The following AKAP19 variants were observed in gnomAD, a reference collection of about 807,000 sequenced individuals.
The protein encoded by AKAP19 is A-kinase anchoring protein 19.
the AKAP19 span, among the ~76,000 whole-genome samples, chr2:190,058,862 C>G: frequency 6.6e-6 from 1 of 151,904 alleles, no homozygotes; most frequent in Non-Finnish European, 1.5e-5. Flanking sequence ...GGATTAAAAA[C>G]TACATATTTG....
the AKAP19 span, among the ~76,000 whole-genome samples, chr2:190,081,571 C>A: frequency 6.6e-6 from 1 of 152,178 alleles, no homozygotes; most frequent in Non-Finnish European, 1.5e-5. Context: ...GACTCCTGTG[C>A]ATACATGAGC....
the AKAP19 span, among the ~76,000 whole-genome samples, chr2:189,915,750 T>A: frequency 2.0e-5 from 3 of 152,052 alleles, no homozygotes; most frequent in Non-Finnish European, 2.9e-5. Flanking sequence ...ATATTAGAAA[T>A]CCATTATAAG....
the AKAP19 span, among the ~76,000 whole-genome samples, chr2:189,981,273 C>CTTTTTTTTTT: frequency 3.1e-5 from 4 of 128,988 alleles, no homozygotes; most frequent in African/African-American, 5.7e-5. Context: ...CCTTCTTTGT[C>CTTTTTTTTTT]TTTTTTTTTT....
chr2:189,883,137 G>A, the AKAP19 span, among the ~76,000 whole-genome samples: 2 of 152,082 alleles, frequency 1.3e-5, no homozygotes, highest in African/African-American at 2.4e-5. Flanking sequence ...CTTATTAAGC[G>A]CTGATTGTTA....
chr2:189,880,482 G>T, the AKAP19 span, among the ~76,000 whole-genome samples: 4 of 152,204 alleles, frequency 2.6e-5, no homozygotes, highest in Non-Finnish European at 5.9e-5. Context: ...TGAAAGGCAG[G>T]CTGGAAGGGA....
the AKAP19 span, among the ~76,000 whole-genome samples, chr2:189,978,556 G>T: frequency 5.9e-3 from 903 of 152,326 alleles, 19 homozygotes; most frequent in Non-Finnish European, 5.9e-3. Context: ...GGCGAAGTTT[G>T]CAGTGAGCTG....
chr2:190,003,437 CAT>C, the AKAP19 span, among the ~76,000 whole-genome samples: 1 of 152,056 alleles, frequency 6.6e-6, no homozygotes, highest in African/African-American at 2.4e-5. Context: ...TGAGTCTTTT[CAT>C]AGATTGAATT....
chr2:190,141,044 C>A, the AKAP19 span, among the ~76,000 whole-genome samples: 1 of 152,162 alleles, frequency 6.6e-6, no homozygotes. Context: ...GCAAGTGTGA[C>A]TTTTACTCCA....
At chr2:190,168,705 C>T in the AKAP19 span, among the ~76,000 whole-genome samples, 1 of 152,196 alleles carries the variant, frequency 6.6e-6, no homozygotes, top group African/African-American at 2.4e-5. Context: ...ATCTCTAGGG[C>T]AGGGGCAAAA....
At chr2:189,982,342 T>A in the AKAP19 span, among the ~76,000 whole-genome samples, 1 of 152,194 alleles carries the variant, frequency 6.6e-6, no homozygotes, top group Non-Finnish European at 1.5e-5. Context: ...ATTTTTCAAT[T>A]CCAGAAGTTT....
At chr2:190,148,243 T>C in the AKAP19 span, among the ~76,000 whole-genome samples, 2 of 152,332 alleles carry the variant, frequency 1.3e-5, no homozygotes, top group South Asian at 4.1e-4. Flanking sequence ...CAAATGCTTT[T>C]TCTGCATCTA....
chr2:190,101,113 T>C, the AKAP19 span, among the ~76,000 whole-genome samples: 5 of 152,232 alleles, frequency 3.3e-5, no homozygotes, highest in Non-Finnish European at 1.5e-5. Context: ...TCTAGGCACA[T>C]GCAAAGTCAG....
chr2:190,125,052 C>T, the AKAP19 span, among the ~76,000 whole-genome samples: 2 of 152,076 alleles, frequency 1.3e-5, no homozygotes, highest in Admixed American at 6.5e-5. Flanking sequence ...TGACAACATG[C>T]CTGCTTCTGG....
the AKAP19 span, among the ~76,000 whole-genome samples, chr2:189,909,132 AT>A: frequency 5.3e-5 from 8 of 151,768 alleles, no homozygotes; most frequent in Non-Finnish European, 1.2e-4. Flanking sequence ...TCTTTTTACA[AT>A]TTTTTAATTT....
At chr2:190,031,126 G>A in the AKAP19 span, among the ~76,000 whole-genome samples, 1 of 152,208 alleles carries the variant, frequency 6.6e-6, no homozygotes, top group Non-Finnish European at 1.5e-5. Flanking sequence ...CAGGTGACAG[G>A]AGGATGGGTA....
the AKAP19 span, among the ~76,000 whole-genome samples, chr2:189,950,988 G>C: frequency 1.3e-5 from 2 of 151,934 alleles, no homozygotes; most frequent in African/African-American, 4.8e-5. Context: ...TGGGGTGGGG[G>C]TAGTAGCAGA....
the AKAP19 span, among the ~76,000 whole-genome samples, chr2:190,066,232 CA>C: frequency 6.6e-6 from 1 of 152,084 alleles, no homozygotes; most frequent in Non-Finnish European, 1.5e-5. Flanking sequence ...AGTAAGGTGG[CA>C]AGCGAAACTC....
chr2:190,157,449 A>C, the AKAP19 span, among the ~76,000 whole-genome samples: 1 of 151,772 alleles, frequency 6.6e-6, no homozygotes, highest in Admixed American at 6.6e-5. Context: ...AAGAAGGTTA[A>C]ATATTAGGTT....
At chr2:189,925,704 G>A in the AKAP19 span, among the ~76,000 whole-genome samples, 1 of 152,192 alleles carries the variant, frequency 6.6e-6, no homozygotes, top group South Asian at 2.1e-4. Flanking sequence ...CCTAACCCAA[G>A]GTTAGGGTAT....
Sources: allele counts gnomAD v4.1 joint callset (sites outside exome capture counted in the v4.1 genomes callset), GRCh38; gene constraint gnomAD v4.1.1; transcripts MANE v1.5; gene names NCBI Gene and HGNC (gene_info 2026-07-23, HGNC 2026-07-21).